ISX: variants seen among roughly 807,000 people sequenced by gnomAD.
ISX encodes the protein intestine-specific homeobox.
A neutral mutation model predicts 16.9 loss-of-function variants in ISX; 15 were observed. The observed-to-expected ratio is 0.89, with a 90% CI of 0.59 to 1.36. The LOEUF is 1.36. ISX is among the 40% of genes most tolerant of loss of function. The pLI is 0.00. For missense variants in ISX, 316 were observed against 306.1 expected, an observed-to-expected ratio of 1.03 and a Z score of -0.24; for synonymous variants, 125 against 119.7, an observed-to-expected ratio of 1.04 and a Z score of -0.29.
chr22:35,082,925 C>T (rs1929156922), intron 3 of ISX, among the ~76,000 whole-genome samples: 2 of 152,212 alleles, frequency 1.3e-5, no homozygotes, highest in Admixed American at 1.3e-4. Context: ...CCATACCCTT[C>T]CTCCCCGCTT....
rs1381691806 is a variant in ISX at position 35,085,817 on chromosome 22, C to A, written c.*124C>A. On this transcript the variant is annotated 3_prime_UTR_variant, in exon 5 of 5. Transcript: ENST00000404699. ...CAAAAATGGCCCACAGCCCAGGAAG[C>A]TACCCTGAACATGCCAGTTGGAAGG... The A allele has an allele frequency of 1.6e-6, 2 of 1,229,088 alleles. No individual in the cohort carries two copies. Among genetic ancestry groups the A allele is most frequent in the East Asian group, 2.4e-5 (1 of 42,124 alleles). 76.1% of individuals were successfully genotyped at this position (1,229,088 alleles called of 1,614,324 possible).
At chr22:35,082,753 T>C in intron 3 of ISX, 84 bp downstream of exon 3, 1 of 1,435,760 alleles carries the variant, frequency 7.0e-7, no homozygotes. Context: ...ACTTTTCGGG[T>C]TGCCCCATCT....
rs767717609 is a variant in ISX at position 35,085,666 on chromosome 22, G to C, written c.711G>C (p.Trp237Cys). The change falls in exon 5 of 5, where the codon TGG becomes TGC. Residue 237 changes from tryptophan to cysteine, a missense_variant. Physicochemically the swap from Trp to Cys is radical, Grantham distance 215. Transcript: ENST00000404699. ...LCILPPPHPK[W>C]GSICATST Reference sequence around the variant, plus strand: ...TCCTTCCACCTCCACACCCCAAATGGGGCAGCATCTGTGCTACTTCAACAT... The same window carrying C: ...TCCTTCCACCTCCACACCCCAAATGCGGCAGCATCTGTGCTACTTCAACAT... 4.3e-6 allele frequency: 7 copies of C among 1,613,988 alleles called. No homozygotes were observed. The Admixed American group carries it at 8.3e-5, about 19-fold the overall frequency.
At chr22:35,080,047 A>G (rs1929086906) in intron 2 of ISX, among the ~76,000 whole-genome samples, 1 of 152,066 alleles carries the variant, frequency 6.6e-6, no homozygotes, top group Non-Finnish European at 1.5e-5. Context: ...TCCTTATCAT[A>G]ATTGGTCTCT....
rs112072700 is a variant in ISX at position 35,083,839 on chromosome 22, T to A, written c.382-544T>A. On this transcript the variant is annotated intron_variant, in intron 3 of 4. Coordinates refer to ENST00000404699, the MANE Select transcript of ISX (RefSeq NM_001303508.2). ...CCTGCCTATGCAGAATTACCAAGGA[T>A]AAATGGCCACAAGTCAGGGACCATC... Among the ~76,000 whole-genome samples, 23 of 152,352 alleles carry A rather than the reference T, an allele frequency of 1.5e-4. 1 individual carries two copies. Among genetic ancestry groups the A allele is most frequent in the African/African-American group, 5.3e-4 (22 of 41,586 alleles).
Position 35,082,626 on chromosome 22 carries a change from G to T in ISX, c.338G>T (p.Ser113Ile). The T allele has an allele frequency of 3.7e-6, 6 of 1,614,164 alleles. No homozygotes were observed. Among genetic ancestry groups the T allele is most frequent in the Non-Finnish European group, 1.7e-6 (2 of 1,180,022 alleles). The change falls in exon 3 of 5, where the codon AGC (serine) becomes ATC (isoleucine). Residue 113 changes from serine to isoleucine, a missense_variant. By Grantham distance (142) the Ser-to-Ile change is moderately radical. Coordinates refer to ENST00000404699, the MANE Select transcript of ISX (RefSeq NM_001303508.2). ...FTHYPDVHIRSQLAARINLPE... is the reference protein window; with the variant it reads ...FTHYPDVHIRIQLAARINLPE... ...CACTACCCAGACGTTCACATCCGCA[G>T]CCAGCTGGCAGCCAGGATCAACCTC...
intron 2 of ISX, among the ~76,000 whole-genome samples, chr22:35,072,648 G>A (rs1310989306): frequency 6.6e-6 from 1 of 152,122 alleles, no homozygotes; most frequent in African/African-American, 2.4e-5. Context: ...CAGAGGAGGA[G>A]GCTTAAAACA....
At chr22:35,081,566 T>C (rs191143350) in intron 2 of ISX, among the ~76,000 whole-genome samples, 6 of 152,300 alleles carry the variant, frequency 3.9e-5, no homozygotes, top group Admixed American at 3.3e-4. Context: ...TGGTCAACTG[T>C]TTCCCTGCTG....
intron 2 of ISX, among the ~76,000 whole-genome samples, chr22:35,068,597 G>A (rs572805106): frequency 6.6e-6 from 1 of 152,312 alleles, no homozygotes; most frequent in South Asian, 2.1e-4. Context: ...ATCACCCTGT[G>A]TCATGAGAGA....
At chr22:35,070,051 C>T (rs1017073061) in intron 2 of ISX, among the ~76,000 whole-genome samples, 3 of 152,156 alleles carry the variant, frequency 2.0e-5, no homozygotes, top group Non-Finnish European at 4.4e-5. Flanking sequence ...AGCTGAGACT[C>T]AATAAGGTGA....
rs1205976436 is a variant in ISX at position 35,087,236 on chromosome 22, A to G, written c.*1543A>G. Reference sequence around the variant, plus strand: ...ATGTGGATATCAACACCAGGTCTCTAGCACCGCTGGATGAAAGGAGAAGGC... The same window carrying G: ...ATGTGGATATCAACACCAGGTCTCTGGCACCGCTGGATGAAAGGAGAAGGC... On this transcript the variant is annotated 3_prime_UTR_variant, in exon 5 of 5. Transcript: ENST00000404699. 6.6e-6 allele frequency: 1 copy of G among 152,274 alleles called. No individual in the cohort carries two copies. Among genetic ancestry groups the G allele is most frequent in the East Asian group, 1.9e-4 (1 of 5,202 alleles). The allele number at this position is 152,274 out of a possible 1,614,324, so 9.4% of individuals were successfully genotyped here. A position where few individuals can be genotyped will look rare whatever the true frequency, so the allele number is the denominator to read the frequency against.
At chr22:35,080,146 C>T (rs1224261768) in intron 2 of ISX, among the ~76,000 whole-genome samples, 1 of 152,174 alleles carries the variant, frequency 6.6e-6, no homozygotes, top group African/African-American at 2.4e-5. Flanking sequence ...CTCTTTGTTG[C>T]CTTCCCTACT....
chr22:35,067,577 A>C (rs1328448745), intron 2 of ISX, among the ~76,000 whole-genome samples: 2 of 152,238 alleles, frequency 1.3e-5, no homozygotes, highest in African/African-American at 4.8e-5. Context: ...CCGGCTAAGA[A>C]TGCTAGTTAC....
chr22:35,084,302 G>A lies in ISX; in HGVS notation c.382-81G>A, dbSNP rs893988240. The A allele has an allele frequency of 5.5e-5, 48 of 878,514 alleles. No individual in the cohort carries two copies. The East Asian group carries it at 7.0e-4, about 13-fold the overall frequency. The allele number at this position is 878,514 out of a possible 1,614,324, so 54.4% of individuals were successfully genotyped here. A position where few individuals can be genotyped will look rare whatever the true frequency, so the allele number is the denominator to read the frequency against. On this transcript the variant is annotated intron_variant, in intron 3 of 4. Coordinates refer to ENST00000404699, the MANE Select transcript of ISX (RefSeq NM_001303508.2). ...TATAAAGTACAGTCCCTTGGAAGGT[G>A]TAGTTATTATGAATTTGGGGGAAGT...
intron 2 of ISX, among the ~76,000 whole-genome samples, chr22:35,077,120 G>A (rs1929003203): frequency 6.6e-6 from 1 of 152,202 alleles, no homozygotes; most frequent in African/African-American, 2.4e-5. Context: ...CCTCTTAGCA[G>A]GGACCCAGAA....
At chr22:35,082,698 C>G in intron 3 of ISX, 29 bp downstream of exon 3, 3 of 1,611,816 alleles carry the variant, frequency 1.9e-6, no homozygotes, top group Non-Finnish European at 2.5e-6. Flanking sequence ...CAGCCCCCAG[C>G]CTCCATGCCC....
chr22:35,080,281 G>T (rs985057314), intron 2 of ISX, among the ~76,000 whole-genome samples: 3 of 152,150 alleles, frequency 2.0e-5, no homozygotes, highest in Non-Finnish European at 4.4e-5. Context: ...GATGCTGATA[G>T]GTCCTTAATT....
At chr22:35,070,533 A>C (rs568650814) in intron 2 of ISX, among the ~76,000 whole-genome samples, 1 of 152,354 alleles carries the variant, frequency 6.6e-6, no homozygotes, top group African/African-American at 2.4e-5. Flanking sequence ...AGACCACCCC[A>C]GTGGGTAAAC....
chr22:35,073,093 G>A (rs750569308), intron 2 of ISX, among the ~76,000 whole-genome samples: 2 of 152,190 alleles, frequency 1.3e-5, no homozygotes, highest in Non-Finnish European at 2.9e-5. Flanking sequence ...AACAGTCCTC[G>A]AGGGACAGCC....
Sources: allele counts gnomAD v4.1 joint callset (sites outside exome capture counted in the v4.1 genomes callset), GRCh38; gene constraint gnomAD v4.1.1; transcripts MANE v1.5; gene names NCBI Gene and HGNC (gene_info 2026-07-23, HGNC 2026-07-21).